Variants in NMBR observed in about 807,000 individuals in gnomAD.
The protein encoded by NMBR is neuromedin-B receptor.
In NMBR, 16 loss-of-function variants were observed where a neutral mutation model predicts 20.5. The ratio of observed to expected loss-of-function variants is 0.78; its 90% CI spans 0.53 to 1.19. The LOEUF is 1.19. Among genes scored for constraint, NMBR ranks in the 50% most tolerant of loss-of-function variants. NMBR has a pLI of 0.00. For synonymous variants in NMBR, 212 were observed against 196.6 expected, an observed-to-expected ratio of 1.08 and a Z score of -0.65; for missense variants, 582 against 499.1, an observed-to-expected ratio of 1.17 and a Z score of -1.58.
At chr6:142,124,354 T>C (rs1777997203) in intron 1 of NMBR, among the ~76,000 whole-genome samples, 1 of 151,892 alleles carries the variant, frequency 6.6e-6, no homozygotes, top group Admixed American at 6.6e-5. Flanking sequence ...GTCTCCATAA[T>C]AAGAGTGAAA....
At chr6:142,096,477 T>A (rs571979044) in intron 1 of NMBR, among the ~76,000 whole-genome samples, 1 of 152,008 alleles carries the variant, frequency 6.6e-6, no homozygotes, top group African/African-American at 2.4e-5. Flanking sequence ...TGTAGTTGAG[T>A]GGTTTTGAGT....
At chr6:142,113,209 C>G (rs547226215) in intron 1 of NMBR, among the ~76,000 whole-genome samples, 2 of 152,062 alleles carry the variant, frequency 1.3e-5, no homozygotes, top group Non-Finnish European at 2.9e-5. Flanking sequence ...TTTAGAATCT[C>G]TTTTATATTG....
In NMBR at chr6:142,088,443, G is replaced by C. The variant is rs769867760; in HGVS notation, c.216C>G (p.Ser72Arg). ...IMLVKIFITN[S>R]AMRSVPNIFI... ...AGATGTTGGGGACGCTCCTCATGGCGCTGTTGGTGATGAAGATCTTCACCA... is the reference window on the plus strand; with the variant it reads ...AGATGTTGGGGACGCTCCTCATGGCCCTGTTGGTGATGAAGATCTTCACCA... Residue 72 changes from serine (S) to arginine (R), a missense_variant, in exon 2 of 4, where the codon AGC becomes AGG. Coordinates refer to ENST00000258042, the MANE Select transcript of NMBR (RefSeq NM_002511.4). The C allele has an allele frequency of 1.2e-6, 2 of 1,614,010 alleles. No individual in the cohort carries two copies. Among genetic ancestry groups the C allele is most frequent in the Non-Finnish European group, 1.7e-6 (2 of 1,179,994 alleles).
At chr6:142,134,900 T>C in intron 1 of NMBR, 1 of 581,358 alleles carries the variant, frequency 1.7e-6, no homozygotes, top group Admixed American at 3.3e-5. Context: ...TTTAGAAGAT[T>C]ATACTTTCCA....
intron 2 of NMBR, 75 bp from the exon 3 acceptor site, chr6:142,078,978 A>AAGAAAGGAAGAAAGGGAGAGAGAG (rs1379686180): frequency 1.0e-5 from 10 of 969,912 alleles, no homozygotes; most frequent in African/African-American, 9.9e-5. Flanking sequence ...AAGAAAGAAA[A>AAGAAAGGAAGAAAGGGAGAGAGAG]AGAAAGGAAG....
At chr6:142,099,062 T>C (rs1777511481) in intron 1 of NMBR, among the ~76,000 whole-genome samples, 2 of 152,156 alleles carry the variant, frequency 1.3e-5, no homozygotes, top group Non-Finnish European at 2.9e-5. Context: ...GGAACCAAGA[T>C]TAGTCCTTTC....
chr6:142,121,254 A>G (rs1408890558), intron 1 of NMBR, among the ~76,000 whole-genome samples: 1 of 151,896 alleles, frequency 6.6e-6, no homozygotes, highest in Non-Finnish European at 1.5e-5. Context: ...AGGGCTCCCT[A>G]TTCCCTAAGA....
chr6:142,130,864 G>C (rs1167208747), intron 1 of NMBR, among the ~76,000 whole-genome samples: 2 of 152,136 alleles, frequency 1.3e-5, no homozygotes, highest in African/African-American at 4.8e-5. Context: ...TTAAGCAGAA[G>C]AGTATAGTAT....
At chr6:142,121,209 C>T (rs1255248232) in intron 1 of NMBR, among the ~76,000 whole-genome samples, 2 of 151,912 alleles carry the variant, frequency 1.3e-5, no homozygotes, top group East Asian at 3.9e-4. Context: ...TACTGCTCTA[C>T]CAATTGGCTG....
chr6:142,142,164 C>T (rs1778371946), intron 1 of NMBR, among the ~76,000 whole-genome samples: 1 of 152,096 alleles, frequency 6.6e-6, no homozygotes, highest in Non-Finnish European at 1.5e-5. Context: ...AAAAATATGA[C>T]TTATCCATAT....
Position 142,075,931 on chromosome 6 carries a change from T to C in NMBR, c.890A>G (p.Asp297Gly). ...MYRSFNYNEI[D>G]PSLGHMIVTL... ...GACAATCATGTGGCCTAGAGATGGA[T>C]CAATCTCATTATAGTTGAAAGACCG... Residue 297 changes from aspartate (D) to glycine (G), a missense_variant, in exon 4 of 4, where the codon GAT becomes GGT. By Grantham distance (94) the Asp-to-Gly change is moderately conservative. Transcript: ENST00000258042. 6.2e-7 allele frequency: 1 copy of C among 1,614,010 alleles called. No homozygotes were observed.
chr6:142,128,992 A>G (rs746852428), intron 1 of NMBR, among the ~76,000 whole-genome samples: 1 of 92,258 alleles, frequency 1.1e-5, no homozygotes, highest in African/African-American at 2.9e-5. Flanking sequence ...CCAGATGTCA[A>G]TGTAATAATA....
intron 1 of NMBR, among the ~76,000 whole-genome samples, chr6:142,138,208 T>G (rs976111493): frequency 3.3e-5 from 5 of 152,224 alleles, no homozygotes; most frequent in African/African-American, 1.2e-4. Flanking sequence ...TGCCTTATAC[T>G]GGTAACTTAG....
At chr6:142,107,373 A>G (rs1012878051) in intron 1 of NMBR, among the ~76,000 whole-genome samples, 1 of 152,240 alleles carries the variant, frequency 6.6e-6, no homozygotes, top group African/African-American at 2.4e-5. Flanking sequence ...GCAATCAGCC[A>G]GCAATTCAAG....
intron 1 of NMBR, among the ~76,000 whole-genome samples, chr6:142,138,220 A>T (rs537417407): frequency 1.3e-5 from 2 of 152,300 alleles, no homozygotes; most frequent in East Asian, 3.9e-4. Flanking sequence ...GTAACTTAGT[A>T]GGGAAATCAG....
intron 1 of NMBR, among the ~76,000 whole-genome samples, chr6:142,137,374 A>G (rs1233790725): frequency 3.9e-5 from 6 of 152,186 alleles, no homozygotes; most frequent in Non-Finnish European, 8.8e-5. Context: ...GAAGTTGCTT[A>G]TCAGCTTAAG....
intron 1 of NMBR, among the ~76,000 whole-genome samples, chr6:142,097,491 T>C (rs545450008): frequency 5.9e-5 from 9 of 152,116 alleles, no homozygotes; most frequent in Non-Finnish European, 1.2e-4. Flanking sequence ...CAAAAAATCA[T>C]AAGTCAAATC....
At chr6:142,100,919 A>G (rs1777549740) in intron 1 of NMBR, among the ~76,000 whole-genome samples, 1 of 152,214 alleles carries the variant, frequency 6.6e-6, no homozygotes, top group Admixed American at 6.5e-5. Context: ...AGCTTATAAA[A>G]AGAGAATTGT....
chr6:142,096,368 G>T (rs1016130011), intron 1 of NMBR, among the ~76,000 whole-genome samples: 30 of 152,190 alleles, frequency 2.0e-4, no homozygotes, highest in Middle Eastern at 6.8e-3. Context: ...GTTCTCATTG[G>T]TTTCAAAGAA....
Sources: allele counts gnomAD v4.1 joint callset (sites outside exome capture counted in the v4.1 genomes callset), GRCh38; gene constraint gnomAD v4.1.1; transcripts MANE v1.5; gene names NCBI Gene and HGNC (gene_info 2026-07-23, HGNC 2026-07-21).